TMC7: variants seen among roughly 807,000 people sequenced by gnomAD.
TMC7 encodes transmembrane channel-like protein 7.
In TMC7, 54 loss-of-function variants were observed where a neutral mutation model predicts 82.9. That is an observed-to-expected ratio of 0.65 (90% CI 0.52 to 0.82). TMC7 has a LOEUF of 0.82. Ranked by LOEUF, TMC7 falls within the 40% of genes least tolerant of loss-of-function variation. The probability of loss-of-function intolerance (pLI) is 0.00; values close to 1 mark genes in which losing one functional copy is unlikely to be tolerated. For synonymous variants in TMC7, 350 were observed against 337.9 expected (o/e 1.04, Z -0.39); for missense variants, 820 against 901.2 (o/e 0.91, Z 1.15).
intron 1 of TMC7, among the ~76,000 whole-genome samples, chr16:18,985,050 A>G (rs946565010): frequency 6.6e-6 from 1 of 152,178 alleles, no homozygotes; most frequent in Non-Finnish European, 1.5e-5. Context: ...TCACGAGGTC[A>G]GGAGTTCAAG....
chr16:18,992,561 G>A (rs1379993246), intron 1 of TMC7, among the ~76,000 whole-genome samples: 2 of 152,152 alleles, frequency 1.3e-5, no homozygotes, highest in African/African-American at 4.8e-5. Context: ...TGTTCACTCT[G>A]ATGGTAGTTT....
intron 3 of TMC7, among the ~76,000 whole-genome samples, chr16:19,020,881 T>C (rs1466741849): frequency 6.6e-6 from 1 of 150,878 alleles, no homozygotes; most frequent in Non-Finnish European, 1.5e-5. Context: ...AATAAATAAA[T>C]AAATAAATAA....
chr16:18,984,141 A>C lies in TMC7; in HGVS notation c.67+11A>C, dbSNP rs1338256161. On this transcript the variant is annotated intron_variant, in intron 1 of 15. Coordinates refer to ENST00000304381, the MANE Select transcript of TMC7 (RefSeq NM_024847.4). Reference sequence around the variant, plus strand: ...CGGCGGTCCATCCAGGTAGGGCGGCAGGGAGCGCGCGCGGGGACGGTGCCC... The same window carrying C: ...CGGCGGTCCATCCAGGTAGGGCGGCCGGGAGCGCGCGCGGGGACGGTGCCC... 1.3e-6 allele frequency: 2 copies of C among 1,492,220 alleles called. No individual in the cohort carries two copies. Among genetic ancestry groups the C allele is most frequent in the South Asian group, 1.3e-5 (1 of 79,280 alleles). The allele number at this position is 1,492,220 out of a possible 1,614,324, so 92.4% of individuals were successfully genotyped here.
Position 19,062,111 on chromosome 16 carries a change from G to A in TMC7, c.*268G>A. 5.2e-6 allele frequency: 2 copies of A among 385,364 alleles called. No homozygotes were observed. The highest frequency in any genetic ancestry group is 9.2e-6 in the Non-Finnish European group (2 of 216,540). The allele number at this position is 385,364 out of a possible 1,614,324, so 23.9% of individuals were successfully genotyped here. On this transcript the variant is annotated 3_prime_UTR_variant, in exon 16 of 16. Transcript: ENST00000304381. ...TACCAAAAACCAACAAGCCATTCAA[G>A]CTTTTACAAGAATGAAAGAGCGGAG...
At chr16:19,030,884 A>G (rs1960486075) in intron 6 of TMC7, among the ~76,000 whole-genome samples, 1 of 151,874 alleles carries the variant, frequency 6.6e-6, no homozygotes, top group African/African-American at 2.4e-5. Context: ...GGGGTTCTCC[A>G]CTCAATCATT....
intron 2 of TMC7, among the ~76,000 whole-genome samples, chr16:19,014,869 T>C (rs1326007606): frequency 6.6e-6 from 1 of 152,250 alleles, no homozygotes; most frequent in African/African-American, 2.4e-5. Context: ...TCTAGGAATA[T>C]TTATGGACAC....
intron 5 of TMC7, among the ~76,000 whole-genome samples, chr16:19,029,927 G>T (rs1433295087): frequency 6.6e-6 from 1 of 152,000 alleles, no homozygotes; most frequent in African/African-American, 2.4e-5. Flanking sequence ...TGTTGGCCAG[G>T]CTGGTCTTGA....
intron 1 of TMC7, among the ~76,000 whole-genome samples, chr16:19,003,542 T>C (rs1470909650): frequency 6.7e-5 from 10 of 148,644 alleles, no homozygotes; most frequent in African/African-American, 1.5e-4. Context: ...GCCCAACAGC[T>C]CATTGAGAAC....
chr16:19,016,435 A>G lies in TMC7; in HGVS notation c.312-15A>G. On this transcript the variant is annotated splice_polypyrimidine_tract_variant and intron_variant, in intron 2 of 15. Transcript: ENST00000304381. ...TGCTGTTGTTGTCATTGTCATGATCATGTTTTCCATGCAGGGACATTCAAG... is the reference window on the plus strand; with the variant it reads ...TGCTGTTGTTGTCATTGTCATGATCGTGTTTTCCATGCAGGGACATTCAAG... 6.2e-7 allele frequency: 1 copy of G among 1,613,860 alleles called. No homozygotes were observed. Among genetic ancestry groups the G allele is most frequent in the Non-Finnish European group, 8.5e-7 (1 of 1,179,852 alleles).
chr16:19,026,594 G>T (rs375088521), intron 5 of TMC7, among the ~76,000 whole-genome samples: 1 of 151,846 alleles, frequency 6.6e-6, no homozygotes, highest in East Asian at 1.9e-4. Flanking sequence ...AAGTTTCTTC[G>T]CACACTGTAA....
At chr16:19,050,366 C>CAAAAAAAAAAA (rs71143824) in intron 12 of TMC7, among the ~76,000 whole-genome samples, 1 of 83,046 alleles carries the variant, frequency 1.2e-5, no homozygotes, top group African/African-American at 5.1e-5. Flanking sequence ...GATTCCGTCT[C>CAAAAAAAAAAA]AAAAAAAAAA....
chr16:19,061,738 C>T (rs1962019936), intron 15 of TMC7, 40 bp from the exon 16 acceptor site: 3 of 1,573,128 alleles, frequency 1.9e-6, no homozygotes, highest in Non-Finnish European at 2.6e-6. Context: ...TATTTGTTTC[C>T]AAATATATTA....
chr16:19,060,930 G>A (rs915484305), intron 15 of TMC7, among the ~76,000 whole-genome samples: 2 of 151,622 alleles, frequency 1.3e-5, no homozygotes, highest in Admixed American at 1.3e-4. Context: ...GGGATTACAG[G>A]CACCCACCAT....
chr16:19,038,960 A>G (rs958612605), intron 8 of TMC7, among the ~76,000 whole-genome samples: 1 of 152,178 alleles, frequency 6.6e-6, no homozygotes, highest in Admixed American at 6.6e-5. Context: ...TACCTAAAAT[A>G]GCAGTGGTTT....
Position 19,047,065 on chromosome 16 carries a change from T to G in TMC7, c.1556T>G (p.Leu519Arg), listed in dbSNP as rs2142289370. The G allele has an allele frequency of 6.2e-7, 1 of 1,603,242 alleles. No individual in the cohort carries two copies. Among genetic ancestry groups the G allele is most frequent in the Non-Finnish European group, 8.5e-7 (1 of 1,175,510 alleles). Residue 519 changes from leucine to arginine, a missense_variant and splice_region_variant, in exon 12 of 16, where the codon CTC becomes CGC. Leu to Arg is a moderately radical substitution (Grantham distance 102, BLOSUM62 -2). Around this residue, in one of 2 missense-constraint regions of TMC7, gnomAD observed 650 missense variants for 669.9 expected, o/e 0.97. Transcript: ENST00000304381. ...AAATGAGAATTGTCTGTTTCCAGGC[T>G]CCTGGTGACCTACTGTTCCTCTTGC... ...VTLFVDFPRK[L>R]LVTYCSSCKL... is the part of the protein sequence containing the mutation.
chr16:19,026,864 C>T (rs199862619), intron 5 of TMC7, among the ~76,000 whole-genome samples: 20 of 151,724 alleles, frequency 1.3e-4, no homozygotes, highest in Admixed American at 2.6e-4. Context: ...TGGGTTCAAG[C>T]GATTCTCCTG....
intron 13 of TMC7, 64 bp from the exon 14 acceptor site, chr16:19,056,478 A>T (rs980545242): frequency 6.5e-7 from 1 of 1,549,720 alleles, no homozygotes; most frequent in Non-Finnish European, 8.7e-7. Flanking sequence ...CTGGGTGTAC[A>T]GGGGCGGGAC....
chr16:18,998,166 A>C (rs1567501425), intron 1 of TMC7, among the ~76,000 whole-genome samples: 1 of 152,216 alleles, frequency 6.6e-6, no homozygotes, highest in Non-Finnish European at 1.5e-5. Context: ...CTCTTTACAG[A>C]AAACGTTTGC....
In TMC7 at chr16:19,030,289, C is replaced by T. The variant is rs1960450741; in HGVS notation, c.777C>T (p.Asn259=). 6.2e-7 allele frequency: 1 copy of T among 1,613,554 alleles called. No individual in the cohort carries two copies. Among genetic ancestry groups the T allele is most frequent in the Non-Finnish European group, 8.5e-7 (1 of 1,179,752 alleles). The stretch of plus-strand genomic sequence containing the variant: ...CCATTGATGGGGTGAAATTTCAGAA[C>T]TTCACCTATGATCTGCCCCTGGCGT... ...HYTIDGVKFQ[N]FTYDLPLAYL... is the part of the protein sequence containing the mutation. The change falls in exon 6 of 16, where the codon AAC becomes AAT. Residue 259 remains asparagine, a synonymous_variant. Transcript: ENST00000304381.
Sources: gnomAD v4.1 joint callset for allele counts (sites outside exome capture counted in the v4.1 genomes callset) on GRCh38, gnomAD v4.1.1 for gene constraint, gnomAD v4.1.1 regional missense constraint, MANE v1.5 for transcripts, NCBI Gene and HGNC (gene_info 2026-07-23, HGNC 2026-07-21) for gene names.